The following PLXNA4 variants were observed in gnomAD, a reference collection of about 807,000 sequenced individuals.
PLXNA4 encodes the protein plexin A4.
A neutral mutation model predicts 191.8 loss-of-function variants in PLXNA4; 44 were observed. The ratio of observed to expected loss-of-function variants is 0.23; its 90% CI spans 0.18 to 0.29. PLXNA4 has a LOEUF of 0.29. PLXNA4 is among the 10% of genes least tolerant of loss of function. PLXNA4 has a pLI of 1.00. For missense variants in PLXNA4, 1,800 were observed against 2,488.8 expected (o/e 0.72, Z 5.89); for synonymous variants, 1,082 against 1,009.5 (o/e 1.07, Z -1.36).
chr7:132,328,996 G>C (rs1055819690), intron 3 of PLXNA4, among the ~76,000 whole-genome samples: 2 of 152,168 alleles, frequency 1.3e-5, no homozygotes, highest in African/African-American at 4.8e-5. Context: ...TTCTCAAAGC[G>C]TGGTTCTGGC....
chr7:132,564,009 T>TTCTC (rs1563177302), intron 1 of PLXNA4, among the ~76,000 whole-genome samples: 315 of 28,172 alleles, frequency 0.011, 15 homozygotes, highest in African/African-American at 0.042. Context: ...TCCTCCTCCT[T>TTCTC]CTCCTCCTCC....
At chr7:132,482,677 T>G (rs1797385015) in intron 3 of PLXNA4, among the ~76,000 whole-genome samples, 2 of 145,382 alleles carry the variant, frequency 1.4e-5, no homozygotes, top group Non-Finnish European at 1.5e-5. Flanking sequence ...ATGGAGTGAG[T>G]GTGGGAGCTT....
intron 3 of PLXNA4, among the ~76,000 whole-genome samples, chr7:132,371,196 G>T (rs1192349213): frequency 6.6e-6 from 1 of 152,152 alleles, no homozygotes; most frequent in African/African-American, 2.4e-5. Flanking sequence ...TGGAAATCAT[G>T]AACCAGGTTT....
chr7:132,313,661 T>G (rs1475640470), intron 3 of PLXNA4, among the ~76,000 whole-genome samples: 3 of 152,042 alleles, frequency 2.0e-5, no homozygotes, highest in African/African-American at 7.2e-5. Flanking sequence ...ACTGTCTCAT[T>G]GTTTTGGACA....
intron 1 of PLXNA4, among the ~76,000 whole-genome samples, chr7:132,548,476 G>C (rs767862301): frequency 1.3e-5 from 2 of 152,166 alleles, no homozygotes; most frequent in African/African-American, 2.4e-5. Flanking sequence ...ATAACAGTGA[G>C]AGACGCTGCC....
chr7:132,199,087 GTTC>G lies in PLXNA4; in HGVS notation c.2587-454_2587-452del, dbSNP rs946523761. ...AAATGACACTGCCCCATAACCCTGT[GTTC>G]TTCTTCTCTCTCCATTTAAATTCCA... On this transcript the variant is annotated intron_variant, in intron 12 of 31. Coordinates refer to ENST00000321063, the MANE Select transcript of PLXNA4 (RefSeq NM_020911.2). Among the ~76,000 whole-genome samples, 8 of 152,234 alleles carry G rather than the reference GTTC, an allele frequency of 5.3e-5. No homozygotes were observed. The South Asian group carries it at 1.0e-3, about 20-fold the overall frequency.
At chr7:132,503,186 CA>C (rs1798325913) in intron 2 of PLXNA4, among the ~76,000 whole-genome samples, 1 of 152,170 alleles carries the variant, frequency 6.6e-6, no homozygotes, top group Non-Finnish European at 1.5e-5. Flanking sequence ...TCACCCAGGC[CA>C]TAATGACCTG....
chr7:132,301,602 C>T (rs1397222074), intron 3 of PLXNA4, among the ~76,000 whole-genome samples: 1 of 152,166 alleles, frequency 6.6e-6, no homozygotes, highest in African/African-American at 2.4e-5. Flanking sequence ...ACACTCTACA[C>T]CAAAGGCTCA....
chr7:132,521,196 AAAAAAAT>A (rs1799167317), intron 1 of PLXNA4, among the ~76,000 whole-genome samples: 2 of 151,410 alleles, frequency 1.3e-5, no homozygotes, highest in Non-Finnish European at 1.5e-5. Flanking sequence ...AAAAAAAAAA[AAAAAAAT>A]TCAGAATGAC....
intron 9 of PLXNA4, among the ~76,000 whole-genome samples, chr7:132,213,208 G>C (rs1797859476): frequency 6.6e-6 from 1 of 152,198 alleles, no homozygotes; most frequent in Non-Finnish European, 1.5e-5. Flanking sequence ...CAAATTCATA[G>C]AGACAGAAAG....
intron 1 of PLXNA4, among the ~76,000 whole-genome samples, chr7:132,520,340 G>A (rs1216142153): frequency 1.3e-5 from 2 of 152,194 alleles, no homozygotes; most frequent in African/African-American, 2.4e-5. Flanking sequence ...CAGCTCAGGT[G>A]TTGGTCCATT....
chr7:132,506,147 A>G (rs542358443), intron 2 of PLXNA4, among the ~76,000 whole-genome samples: 55 of 152,176 alleles, frequency 3.6e-4, no homozygotes, highest in Non-Finnish European at 6.3e-4. Context: ...TTGACAGTGG[A>G]AAACAGCTTA....
rs1794788513 is a variant in PLXNA4 at position 132,127,066 on chromosome 7, T to TGTC, written c.*3410_*3412dup. On this transcript the variant is annotated 3_prime_UTR_variant, in exon 32 of 32. Coordinates refer to ENST00000321063, the MANE Select transcript of PLXNA4 (RefSeq NM_020911.2). Reference sequence around the variant, plus strand: ...ATGACCAGCCTACCACTCTGTTTCTTGTCTTCCTCTACTTATTCCTTAAAA... The same window carrying TGTC: ...ATGACCAGCCTACCACTCTGTTTCTTGTCGTCTTCCTCTACTTATTCCTTAAAA... 6.6e-6 allele frequency: 1 copy of TGTC among 152,174 alleles called. No homozygotes were observed. The highest frequency in any genetic ancestry group is 1.5e-5 in the Non-Finnish European group (1 of 68,080). 9.4% of individuals were successfully genotyped at this position (152,174 alleles called of 1,614,324 possible). A position where few individuals can be genotyped will look rare whatever the true frequency, so the allele number is the denominator to read the frequency against.
intron 17 of PLXNA4, 139 bp downstream of exon 17, chr7:132,181,958 T>C (rs1796721810): frequency 7.2e-7 from 1 of 1,383,512 alleles, no homozygotes. Context: ...TCCACTATCC[T>C]AGTATTCAAG....
chr7:132,647,234 C>T (rs139259334), intron 1 of PLXNA4, among the ~76,000 whole-genome samples: 1,623 of 151,820 alleles, frequency 0.011, 35 homozygotes, highest in African/African-American at 0.037. Flanking sequence ...TACACTCACA[C>T]ATACACTGAC....
At chr7:132,533,689 G>A (rs1046394537) in intron 1 of PLXNA4, among the ~76,000 whole-genome samples, 2 of 152,224 alleles carry the variant, frequency 1.3e-5, no homozygotes, top group African/African-American at 4.8e-5. Context: ...GGCTTCTTGA[G>A]CACACAGCCT....
At chr7:132,240,000 C>T (rs1214862412) in intron 5 of PLXNA4, among the ~76,000 whole-genome samples, 1 of 152,130 alleles carries the variant, frequency 6.6e-6, no homozygotes, top group Non-Finnish European at 1.5e-5. Flanking sequence ...GAGGGTGTTT[C>T]CGAATTTTAA....
At chr7:132,357,659 T>C (rs1342292660) in intron 3 of PLXNA4, among the ~76,000 whole-genome samples, 2 of 152,188 alleles carry the variant, frequency 1.3e-5, no homozygotes, top group Admixed American at 6.5e-5. Flanking sequence ...GAACTTTTCC[T>C]AAGAGGAATT....
intron 1 of PLXNA4, among the ~76,000 whole-genome samples, chr7:132,564,791 C>T (rs1282314884): frequency 6.6e-6 from 1 of 152,140 alleles, no homozygotes. Context: ...TCTTACGAAT[C>T]CTTTTCTTTT....
Sources: gnomAD v4.1 joint callset for allele counts (sites outside exome capture counted in the v4.1 genomes callset) on GRCh38, gnomAD v4.1.1 for gene constraint, MANE v1.5 for transcripts, NCBI Gene and HGNC (gene_info 2026-07-23, HGNC 2026-07-21) for gene names.